The following TOX4 variants were observed in gnomAD, a reference collection of about 807,000 sequenced individuals.
The protein encoded by TOX4 is TOX high mobility group box family member 4.
Under a neutral mutation model 61.0 loss-of-function variants are expected in TOX4, and 12 were observed. The ratio of observed to expected loss-of-function variants is 0.20; its 90% CI spans 0.13 to 0.32. TOX4 has a LOEUF of 0.32. Ranked by LOEUF, TOX4 falls within the 10% of genes least tolerant of loss-of-function variation. The pLI is 1.00. For missense variants in TOX4, 499 were observed against 753.3 expected (o/e 0.66, Z 3.95); for synonymous variants, 268 against 274.8 (o/e 0.98, Z 0.24).
intron 2 of TOX4, among the ~76,000 whole-genome samples, chr14:21,480,833 G>T (rs1007444388): frequency 4.6e-5 from 7 of 152,232 alleles, no homozygotes; most frequent in Non-Finnish European, 8.8e-5. Flanking sequence ...GCTCATGCCT[G>T]TAATCCCAGC....
chr14:21,487,839 C>T lies in TOX4; in HGVS notation c.318+146C>T, dbSNP rs1029350289. On this transcript the variant is annotated intron_variant, in intron 3 of 8. Coordinates refer to ENST00000448790, the MANE Select transcript of TOX4 (RefSeq NM_014828.4). The stretch of plus-strand genomic sequence containing the variant: ...CTCACCAACAAAGACTTAATTTCAC[C>T]TGAATAAATGAAATTTACCATGTAG... The T allele has an allele frequency of 1.9e-5, 17 of 882,312 alleles. No homozygotes were observed. In the African/African-American group the frequency reaches 2.9e-4, roughly 15 times the overall value. 54.7% of individuals were successfully genotyped at this position (882,312 alleles called of 1,614,324 possible).
chr14:21,479,896 A>G (rs1891079686), intron 2 of TOX4, among the ~76,000 whole-genome samples: 2 of 152,288 alleles, frequency 1.3e-5, no homozygotes, highest in South Asian at 4.1e-4. Context: ...AATTAAATAC[A>G]AGTAGCTTTC....
In TOX4 at chr14:21,492,994, G is replaced by A. The variant is rs1594431523; in HGVS notation, c.1378G>A (p.Val460Ile). ...GCCACAGCCCCCGACTCAGCAGCAA[G>A]TTACCATTCTGCAGCAGCCTCCTCC... ...QMPQPPTQQQVTILQQPPPLQ... is the reference protein window; with the variant it reads ...QMPQPPTQQQITILQQPPPLQ... Residue 460 changes from valine to isoleucine, a missense_variant, in exon 7 of 9, where the codon GTT becomes ATT. Around this residue, in one of 7 missense-constraint regions of TOX4, gnomAD observed 296 missense variants for 404.7 expected, o/e 0.73. Transcript: ENST00000448790. 5 of 1,613,304 alleles carry A rather than the reference G, an allele frequency of 3.1e-6. No individual in the cohort carries two copies. Among genetic ancestry groups the A allele is most frequent in the Non-Finnish European group, 4.2e-6 (5 of 1,179,574 alleles).
At chr14:21,481,816 TAAAAG>T (rs1018678132) in intron 2 of TOX4, among the ~76,000 whole-genome samples, 2 of 152,206 alleles carry the variant, frequency 1.3e-5, no homozygotes, top group African/African-American at 2.4e-5. Flanking sequence ...AAGACAGACA[TAAAAG>T]AGAAGACACT....
chr14:21,495,924 A>C (rs1178140565), intron 8 of TOX4: 3 of 152,974 alleles, frequency 2.0e-5, no homozygotes, highest in Admixed American at 2.0e-4. Context: ...TTTTAAGCCC[A>C]CTGTTCTTAT....
intron 8 of TOX4, chr14:21,495,609 C>T: frequency 2.2e-6 from 1 of 448,640 alleles, no homozygotes; most frequent in Admixed American, 4.0e-5. Context: ...TTTTCAGTTA[C>T]CACATACCTC....
In TOX4 at chr14:21,496,665, GT is replaced by G; in HGVS notation, c.*64del. 2.0e-6 allele frequency: 3 copies of G among 1,511,506 alleles called. No homozygotes were observed. The highest frequency in any genetic ancestry group is 1.4e-5 in the African/African-American group (1 of 72,628). The allele number at this position is 1,511,506 out of a possible 1,614,324, so 93.6% of individuals were successfully genotyped here. The stretch of plus-strand genomic sequence containing the variant: ...CTGCTGGGAAAGTGTCCAAGAGCCT[GT>G]TTTTGAAACACAAGCTGGGCTTCTG... On this transcript the variant is annotated 3_prime_UTR_variant, in exon 9 of 9. Coordinates refer to ENST00000448790, the MANE Select transcript of TOX4 (RefSeq NM_014828.4).
At chr14:21,491,863 T>C (rs1891297700) in intron 5 of TOX4, among the ~76,000 whole-genome samples, 1 of 150,664 alleles carries the variant, frequency 6.6e-6, no homozygotes, top group African/African-American at 2.4e-5. Flanking sequence ...TACAAAAAAT[T>C]AGCCGGGCGT....
At chr14:21,489,126 A>G in intron 4 of TOX4, 47 bp from the exon 5 acceptor site, 1 of 1,574,712 alleles carries the variant, frequency 6.4e-7, no homozygotes, top group Non-Finnish European at 8.6e-7. Context: ...CAGACATAAT[A>G]CTTGTCATTG....
In TOX4 at chr14:21,498,568, G is replaced by T; in HGVS notation, c.*1962G>T. 1.7e-6 allele frequency: 1 copy of T among 600,112 alleles called. No homozygotes were observed. The highest frequency in any genetic ancestry group is 2.9e-6 in the Non-Finnish European group (1 of 343,932). The allele number at this position is 600,112 out of a possible 1,614,324, so 37.2% of individuals were successfully genotyped here. On this transcript the variant is annotated 3_prime_UTR_variant, in exon 9 of 9. Transcript: ENST00000448790. ...TAGATTCTGGTGTTAAAATAGACTG[G>T]ATCTGTATTATCTGAGGGTTAGTAA...
intron 1 of TOX4, 91 bp downstream of exon 1, chr14:21,477,375 G>T: frequency 6.2e-7 from 1 of 1,612,726 alleles, no homozygotes; most frequent in Non-Finnish European, 8.5e-7. Context: ...GGCGACTGAC[G>T]GGAGAGGAGA....
intron 5 of TOX4, among the ~76,000 whole-genome samples, chr14:21,490,685 A>G (rs1891272187): frequency 6.6e-6 from 1 of 152,064 alleles, no homozygotes; most frequent in Non-Finnish European, 1.5e-5. Context: ...TTCCTCATGT[A>G]GTGTCCTTCT....
rs540907983 is a variant in TOX4 at position 21,497,935 on chromosome 14, G to A, written c.*1329G>A. On this transcript the variant is annotated 3_prime_UTR_variant, in exon 9 of 9. Coordinates refer to ENST00000448790, the MANE Select transcript of TOX4 (RefSeq NM_014828.4). ...TGGGCTACAGTTACCCTCCTACCTCGGCTTCCCAAAGTGCTCGGATTACAG... is the reference window on the plus strand; with the variant it reads ...TGGGCTACAGTTACCCTCCTACCTCAGCTTCCCAAAGTGCTCGGATTACAG... 2.5e-4 allele frequency: 56 copies of A among 222,252 alleles called. No homozygotes were observed. Among genetic ancestry groups the A allele is most frequent in the African/African-American group, 1.1e-3 (48 of 43,538 alleles). The allele number at this position is 222,252 out of a possible 1,614,324, so 13.8% of individuals were successfully genotyped here.
At chr14:21,477,325 GC>G (rs1718981899) in intron 1 of TOX4, 41 bp downstream of exon 1, 1 of 1,613,852 alleles carries the variant, frequency 6.2e-7, no homozygotes, top group Non-Finnish European at 8.5e-7. Flanking sequence ...AGAGAACGCG[GC>G]CGACCGGGTT....
chr14:21,477,973 A>G (rs1429086852), intron 2 of TOX4, among the ~76,000 whole-genome samples: 2 of 152,142 alleles, frequency 1.3e-5, no homozygotes, highest in African/African-American at 2.4e-5. Context: ...GTCTCGCTTT[A>G]TCGCCCAGGT....
chr14:21,483,787 G>A (rs1004444020), intron 2 of TOX4, among the ~76,000 whole-genome samples: 9 of 141,714 alleles, frequency 6.4e-5, no homozygotes, highest in Non-Finnish European at 1.6e-5. Context: ...AGAACTGCGT[G>A]GTATTTTTTG....
chr14:21,479,518 C>T (rs1472415896), intron 2 of TOX4, among the ~76,000 whole-genome samples: 7 of 151,806 alleles, frequency 4.6e-5, no homozygotes, highest in South Asian at 2.1e-4. Flanking sequence ...TGTGGTGGTG[C>T]GCGCCTGTAA....
chr14:21,481,004 C>G (rs8004916), intron 2 of TOX4, among the ~76,000 whole-genome samples: 28 of 151,860 alleles, frequency 1.8e-4, no homozygotes, highest in Non-Finnish European at 1.6e-4. Context: ...GCAGGAGAAT[C>G]GCTTGAACCT....
chr14:21,478,186 C>T (rs1315737652), intron 2 of TOX4, among the ~76,000 whole-genome samples: 2 of 152,250 alleles, frequency 1.3e-5, no homozygotes, highest in African/African-American at 4.8e-5. Context: ...GATCCACCCA[C>T]CTCGGCCTCC....
Sources: allele counts gnomAD v4.1 joint callset (sites outside exome capture counted in the v4.1 genomes callset), GRCh38; gene constraint gnomAD v4.1.1; regional missense constraint gnomAD v4.1.1; transcripts MANE v1.5; gene names NCBI Gene and HGNC (gene_info 2026-07-23, HGNC 2026-07-21).